Variants in PTPRN2 observed in about 807,000 individuals in gnomAD.
The protein encoded by PTPRN2 is receptor-type tyrosine-protein phosphatase N2.
A neutral mutation model predicts 118.8 loss-of-function variants in PTPRN2; 74 were observed. That is an observed-to-expected ratio of 0.62 (90% CI 0.52 to 0.76). The LOEUF (loss-of-function observed/expected upper bound fraction) is 0.76, where lower values mean the gene tolerates loss of function less well. Among genes scored for constraint, PTPRN2 ranks in the 30% least tolerant of loss-of-function variants. PTPRN2 has a pLI of 0.00. For synonymous variants in PTPRN2, 641 were observed against 608.0 expected (o/e 1.05, Z -0.80); for missense variants, 1,481 against 1,394.4 (o/e 1.06, Z -0.99).
At chr7:158,203,012 T>C (rs1425355502) in intron 4 of PTPRN2, among the ~76,000 whole-genome samples, 1 of 151,818 alleles carries the variant, frequency 6.6e-6, no homozygotes, top group Non-Finnish European at 1.5e-5. Flanking sequence ...GGTGGGCGGA[T>C]CATGAGGTCA....
chr7:157,869,884 C>G lies in PTPRN2; in HGVS notation c.1788+28789G>C, dbSNP rs1023035353. On this transcript the variant is annotated intron_variant, in intron 12 of 22. Coordinates refer to ENST00000389418, the MANE Select transcript of PTPRN2 (RefSeq NM_002847.5). This position sits in a 1 kb window ranked among gnomAD's most constrained non-coding sequence, Gnocchi z 4.2. The stretch of plus-strand genomic sequence containing the variant: ...TTTCTCTGGCCCTCCAGAAAGTCAA[C>G]ATGCAAAATGCCTTGAGCATCCCAA... Among the ~76,000 whole-genome samples the G allele has an allele frequency of 3.3e-5, 5 of 152,206 alleles. No homozygotes were observed. Among genetic ancestry groups the G allele is most frequent in the Non-Finnish European group, 7.3e-5 (5 of 68,030 alleles).
intron 11 of PTPRN2, among the ~76,000 whole-genome samples, chr7:157,993,679 C>T (rs939671658): frequency 6.6e-6 from 1 of 152,184 alleles, no homozygotes; most frequent in African/African-American, 2.4e-5. Flanking sequence ...GGCCACAGAG[C>T]TAGGTCCTGG....
chr7:157,648,520 A>T (rs1333103219), intron 14 of PTPRN2, among the ~76,000 whole-genome samples: 1 of 132,184 alleles, frequency 7.6e-6, no homozygotes, highest in African/African-American at 2.8e-5. Context: ...CGTGCACTGA[A>T]CTCGGTGGGT....
At position 157,946,659 on chromosome 7, in the gene PTPRN2, G is replaced by A. The variant is rs1043563265; in HGVS notation, c.1724-47922C>T. ...CATCAGTTAGGCCAGCAGCCACAGG[G>A]ATGGTGTCACCACTGTGGGATTCAA... On this transcript the variant is annotated intron_variant, in intron 11 of 22. Coordinates refer to ENST00000389418, the MANE Select transcript of PTPRN2 (RefSeq NM_002847.5). 3.3e-5 allele frequency among the ~76,000 whole-genome samples: 5 copies of A among 152,244 alleles called. No individual in the cohort carries two copies. The East Asian group carries it at 9.6e-4, about 29-fold the overall frequency.
In PTPRN2 at chr7:157,578,151, A is replaced by G. The variant is rs1426248149; in HGVS notation, c.2497-11T>C. 13 of 1,602,242 alleles carry G rather than the reference A, an allele frequency of 8.1e-6. No homozygotes were observed. Among genetic ancestry groups the G allele is most frequent in the Non-Finnish European group, 1.1e-5 (13 of 1,172,500 alleles). ...GCTCTCCCACACCATCTGCGGACAA[A>G]GAAGGCCCGTGGCCGCGGTGTGACT... On this transcript the variant is annotated splice_polypyrimidine_tract_variant and intron_variant, in intron 17 of 22. Coordinates refer to ENST00000389418, the MANE Select transcript of PTPRN2 (RefSeq NM_002847.5).
At chr7:158,043,473 A>G (rs1460902940) in intron 11 of PTPRN2, among the ~76,000 whole-genome samples, 2 of 152,204 alleles carry the variant, frequency 1.3e-5, no homozygotes, top group Non-Finnish European at 2.9e-5. Flanking sequence ...AGGGACTCCC[A>G]TTCTCGTCAC....
At chr7:157,694,754 G>A (rs1472089032) in intron 12 of PTPRN2, among the ~76,000 whole-genome samples, 3 of 150,646 alleles carry the variant, frequency 2.0e-5, no homozygotes, top group South Asian at 4.2e-4. Context: ...ATGATGTGAG[G>A]ATTTTTTCTT....
intron 11 of PTPRN2, among the ~76,000 whole-genome samples, chr7:157,969,353 AC>A (rs1355387376): frequency 6.6e-6 from 1 of 152,034 alleles, no homozygotes. Flanking sequence ...CAAGTGATCC[AC>A]CCACCTCAGC....
At chr7:158,295,064 G>T (rs913217714) in intron 3 of PTPRN2, among the ~76,000 whole-genome samples, 1 of 142,642 alleles carries the variant, frequency 7.0e-6, no homozygotes, top group African/African-American at 2.7e-5. Flanking sequence ...GGCGCCCGCT[G>T]ACCCTGCCTG....
In PTPRN2 at chr7:158,192,479, C is replaced by A. The variant is rs140977880; in HGVS notation, c.397G>T (p.Val133Phe). The A allele has an allele frequency of 7.6e-6, 12 of 1,584,046 alleles. No homozygotes were observed. The highest frequency in any genetic ancestry group is 1.0e-5 in the Non-Finnish European group (12 of 1,168,796). Residue 133 changes from valine (V) to phenylalanine (F), a missense_variant, in exon 5 of 23, where the codon GTT (valine) becomes TTT (phenylalanine). Transcript: ENST00000389418. ...CGACTGTACCTCCTCTCGCTGCCAA[C>A]GCTGTGTTTTGAGGGCCTGAAAAAG... The part of the protein sequence containing the change: ...SSPARPSKHS[V>F]GSERRYSREG...
chr7:158,245,726 A>G (rs1434021502), intron 3 of PTPRN2, among the ~76,000 whole-genome samples: 1 of 152,178 alleles, frequency 6.6e-6, no homozygotes, highest in Non-Finnish European at 1.5e-5. Flanking sequence ...AGTCAGGCAC[A>G]GCGTCTCATG....
rs886800012 is a variant in PTPRN2, at chr7:157,541,242, C to T, written c.2977-457G>A. ...ACTCACAATGAGGGCCATGCTTGGG[C>T]GTTTCCTGTCCTCGGAAGTGTGGTG... is the stretch of plus-strand genomic sequence containing the variant. On this transcript the variant is annotated intron_variant, in intron 22 of 22. Coordinates refer to ENST00000389418, the MANE Select transcript of PTPRN2 (RefSeq NM_002847.5). 7.2e-5 allele frequency among the ~76,000 whole-genome samples: 11 copies of T among 152,226 alleles called. No individual in the cohort carries two copies. The East Asian group carries it at 7.7e-4, about 11-fold the overall frequency.
rs1429479474 is a variant in PTPRN2 at position 158,546,144 on chromosome 7, G to A, written c.112+41414C>T. Among the ~76,000 whole-genome samples, 1 of 152,220 alleles carries A rather than the reference G, an allele frequency of 6.6e-6. No individual in the cohort carries two copies. Among genetic ancestry groups the A allele is most frequent in the Non-Finnish European group, 1.5e-5 (1 of 68,044 alleles). ...AAGGGTCATGCAGAAAAGCAGGACT[G>A]GGTGTGAGCATGAGGACAGGAAGGG... On this transcript the variant is annotated intron_variant, in intron 1 of 22. Transcript: ENST00000389418. The surrounding 1 kb of genome is among the most constrained non-coding windows in gnomAD (Gnocchi z 5.0).
intron 11 of PTPRN2, among the ~76,000 whole-genome samples, chr7:157,999,054 G>A (rs1306525450): frequency 1.3e-5 from 2 of 151,860 alleles, no homozygotes; most frequent in Non-Finnish European, 2.9e-5. Context: ...CTGTTCCTCC[G>A]AGCGGCCGTA....
chr7:157,697,560 C>T (rs1283899333), intron 12 of PTPRN2, among the ~76,000 whole-genome samples: 36 of 135,042 alleles, frequency 2.7e-4, no homozygotes, highest in East Asian at 4.7e-4. Flanking sequence ...CACCATCTAC[C>T]CATGCATACT....
In PTPRN2 at chr7:157,881,550, G is replaced by A. The variant is rs933426021; in HGVS notation, c.1788+17123C>T. Among the ~76,000 whole-genome samples the A allele has an allele frequency of 7.9e-5, 12 of 152,088 alleles. No homozygotes were observed. The highest frequency in any genetic ancestry group is 4.1e-4 in the South Asian group (2 of 4,826). ...TTCTGTTGTGGCAGCCAGAGAGGAC[G>A]CACATGGTCAACATGGCAACACCCC... On this transcript the variant is annotated intron_variant, in intron 12 of 22. Transcript: ENST00000389418. This position sits in a 1 kb window ranked among gnomAD's most constrained non-coding sequence, Gnocchi z 4.7.
intron 11 of PTPRN2, among the ~76,000 whole-genome samples, chr7:157,931,389 C>T (rs761603263): frequency 1.3e-5 from 2 of 152,158 alleles, no homozygotes; most frequent in African/African-American, 2.4e-5. Flanking sequence ...GCGTTTGGCC[C>T]GGGAAAGGGC....
chr7:158,062,121 G>T (rs999189382), intron 11 of PTPRN2, among the ~76,000 whole-genome samples: 4 of 152,234 alleles, frequency 2.6e-5, no homozygotes, highest in Admixed American at 2.0e-4. Context: ...ACGGGCGACG[G>T]CCATGGCACA....
At chr7:158,157,846 C>G (rs1267092238) in intron 6 of PTPRN2, among the ~76,000 whole-genome samples, 2 of 152,202 alleles carry the variant, frequency 1.3e-5, no homozygotes, top group Non-Finnish European at 2.9e-5. Context: ...GGAAGAAAGG[C>G]CTCAGGCAGT....
Sources: gnomAD v4.1 joint callset for allele counts (sites outside exome capture counted in the v4.1 genomes callset) on GRCh38, gnomAD v4.1.1 for gene constraint, Gnocchi (gnomAD v3.1) non-coding constraint, MANE v1.5 for transcripts, NCBI Gene and HGNC (gene_info 2026-07-23, HGNC 2026-07-21) for gene names.